ASAH1: variants seen among roughly 807,000 people sequenced by gnomAD.
The protein encoded by ASAH1 is N-acylsphingosine amidohydrolase 1.
A neutral mutation model predicts 59.5 loss-of-function variants in ASAH1; 70 were observed. That is an observed-to-expected ratio of 1.18 (90% CI 0.97 to 1.43). The LOEUF (loss-of-function observed/expected upper bound fraction) is 1.43, where lower values mean the gene tolerates loss of function less well. Among genes scored for constraint, ASAH1 ranks in the 40% most tolerant of loss-of-function variants. ASAH1 has a pLI of 0.00. For missense variants in ASAH1, 660 were observed against 482.5 expected (o/e 1.37, Z -3.45); for synonymous variants, 213 against 166.5 (o/e 1.28, Z -2.15).
rs139226692 is a variant in ASAH1 at position 18,071,211 on chromosome 8, C to CA, written c.216+88dup. On this transcript the variant is annotated intron_variant, in intron 3 of 13. Coordinates refer to ENST00000637790, the MANE Select transcript of ASAH1 (RefSeq NM_177924.5). ...GACAGAGTGAGACTCTGTCTCAAAA[C>CA]AAAAAAAAAATCAATCAATAAATAA... is the stretch of plus-strand genomic sequence containing the variant. 27,516 of 691,964 alleles carry CA rather than the reference C, an allele frequency of 0.04. 1,279 individuals are homozygous for CA. The highest frequency in any genetic ancestry group is 0.28 in the East Asian group (5,234 of 18,944). 42.9% of individuals were successfully genotyped at this position (691,964 alleles called of 1,614,324 possible). A position where few individuals can be genotyped will look rare whatever the true frequency, so the allele number is the denominator to read the frequency against.
At chr8:18,060,626 T>C (rs563983428) in intron 10 of ASAH1, 2 of 152,238 alleles carry the variant, frequency 1.3e-5, no homozygotes, top group African/African-American at 2.4e-5. Flanking sequence ...AAAAATAGGA[T>C]TGATGCCCAT....
chr8:18,075,841 T>C, intron 1 of ASAH1: 3 of 526,542 alleles, frequency 5.7e-6, no homozygotes, highest in South Asian at 4.2e-5. Flanking sequence ...ATTTCAAATA[T>C]ATTGAGTAAC....
chr8:18,078,897 C>T (rs1389879124), intron 1 of ASAH1, among the ~76,000 whole-genome samples: 1 of 146,008 alleles, frequency 6.8e-6, no homozygotes, highest in East Asian at 1.9e-4. Flanking sequence ...TCTCTCTCTC[C>T]CTGCCCTTCC....
chr8:18,065,283 G>C (rs1799883208), intron 5 of ASAH1: 2 of 151,794 alleles, frequency 1.3e-5, no homozygotes, highest in South Asian at 4.2e-4. Flanking sequence ...ATTTGGTATT[G>C]AGTTGCTAGA....
At position 18,077,607 on chromosome 8, in the gene ASAH1, TTTAA is replaced by T. The variant is rs1175085827; in HGVS notation, c.79-2024_79-2021del. ...CACTCAAAAATCACATGCTTTGTTC[TTTAA>T]TTGATATTGATGTTCTTCCCAAAGT... On this transcript the variant is annotated intron_variant, in intron 1 of 13. Coordinates refer to ENST00000637790, the MANE Select transcript of ASAH1 (RefSeq NM_177924.5). 3.9e-5 allele frequency among the ~76,000 whole-genome samples: 6 copies of T among 152,242 alleles called. 1 individual carries two copies. The highest frequency in any genetic ancestry group is 2.0e-4 in the Admixed American group (3 of 15,286).
At chr8:18,069,344 C>A in intron 4 of ASAH1, 1 of 162,800 alleles carries the variant, frequency 6.1e-6, no homozygotes, top group Non-Finnish European at 1.3e-5. Flanking sequence ...GGTGATTGCA[C>A]AGAAACACTC....
Position 18,057,316 on chromosome 8 carries a change from C to T in ASAH1, c.*218G>A. 1 of 372,044 alleles carries T rather than the reference C, an allele frequency of 2.7e-6. No individual in the cohort carries two copies. The highest frequency in any genetic ancestry group is 3.7e-5 in the Admixed American group (1 of 26,774). The allele number at this position is 372,044 out of a possible 1,614,324, so 23.0% of individuals were successfully genotyped here. ...TGAATTCTAGATGACTGTTTTACTT[C>T]CCCTAAAGAAGTTATCTGTAAATAA... On this transcript the variant is annotated 3_prime_UTR_variant, in exon 14 of 14. Coordinates refer to ENST00000637790, the MANE Select transcript of ASAH1 (RefSeq NM_177924.5).
intron 10 of ASAH1, 98 bp from the exon 11 acceptor site, chr8:18,059,801 T>A (rs769255357): frequency 7.9e-7 from 1 of 1,266,066 alleles, no homozygotes; most frequent in Non-Finnish European, 1.1e-6. Flanking sequence ...CTGGGACACA[T>A]GTGCTGAACG....
chr8:18,058,879 CAAATGAGATATTCT>C lies in ASAH1; in HGVS notation c.1042-2_1053del, dbSNP rs1564534954. 1 of 1,612,106 alleles carries C rather than the reference CAAATGAGATATTCT, an allele frequency of 6.2e-7. No individual in the cohort carries two copies. Among genetic ancestry groups the C allele is most frequent in the Admixed American group, 1.7e-5 (1 of 60,006 alleles). ...GTTGACAGGACATCATACATGGTTTCAAATGAGATATTCTAAAACACAAGAAAATAGTTTTGTTC... is the reference window on the plus strand; with the variant it reads ...GTTGACAGGACATCATACATGGTTTCAAAACACAAGAAAATAGTTTTGTTC... On this transcript the variant is annotated splice_acceptor_variant and coding_sequence_variant, in exon 13 of 14. Coordinates refer to ENST00000637790, the MANE Select transcript of ASAH1 (RefSeq NM_177924.5). LOFTEE classifies it high-confidence loss of function.
chr8:18,072,269 T>A (rs944807808), intron 2 of ASAH1, among the ~76,000 whole-genome samples: 3 of 152,202 alleles, frequency 2.0e-5, no homozygotes, highest in African/African-American at 7.2e-5. Flanking sequence ...ACTGGCAGGG[T>A]GACTCTGGTA....
chr8:18,069,755 G>T (rs1361874393), intron 4 of ASAH1, 37 bp downstream of exon 4: 1 of 1,428,460 alleles, frequency 7.0e-7, no homozygotes, highest in South Asian at 1.2e-5. Flanking sequence ...CATTTTCTAT[G>T]TGCTTAACAT....
intron 12 of ASAH1, chr8:18,059,112 G>A: frequency 1.4e-6 from 1 of 715,128 alleles, no homozygotes; most frequent in Middle Eastern, 2.5e-4. Flanking sequence ...TTGCCTGTTT[G>A]TTATTCAACT....
At chr8:18,079,274 G>GAAAAAAA in intron 1 of ASAH1, among the ~76,000 whole-genome samples, 1 of 116,888 alleles carries the variant, frequency 8.6e-6, no homozygotes, top group Admixed American at 9.2e-5. Context: ...CTCCATCTCA[G>GAAAAAAA]AAAAAAAAAA....
chr8:18,058,736 C>T (rs749770538), intron 13 of ASAH1, 99 bp downstream of exon 13: 4 of 1,095,868 alleles, frequency 3.7e-6, no homozygotes, highest in South Asian at 2.5e-5. Context: ...GCTGAACACA[C>T]CTTTTGTGCT....
intron 5 of ASAH1, chr8:18,065,465 AG>A (rs1799890623): frequency 6.6e-6 from 1 of 152,154 alleles, no homozygotes; most frequent in South Asian, 2.1e-4. Flanking sequence ...CATAAAATGA[AG>A]GTACTGTTGG....
At chr8:18,072,692 C>G (rs1800223769) in intron 2 of ASAH1, among the ~76,000 whole-genome samples, 1 of 152,128 alleles carries the variant, frequency 6.6e-6, no homozygotes, top group Admixed American at 6.5e-5. Flanking sequence ...TCTGACAGAC[C>G]ATAATTTCAC....
upstream of ASAH1, chr8:18,084,184 T>C (rs866543650): frequency 8.5e-6 from 13 of 1,537,538 alleles, no homozygotes; most frequent in Non-Finnish European, 1.1e-5. Context: ...TTCCAGGCAG[T>C]AGGGGGAACG....
chr8:18,058,688 C>T, intron 13 of ASAH1, 147 bp downstream of exon 13: 4 of 701,032 alleles, frequency 5.7e-6, no homozygotes, highest in Non-Finnish European at 9.9e-6. Flanking sequence ...ACAGTTTTAG[C>T]CACACAAAAA....
chr8:18,066,940 G>A (rs1422215950), intron 5 of ASAH1: 8 of 382,502 alleles, frequency 2.1e-5, no homozygotes, highest in East Asian at 7.5e-5. Flanking sequence ...CTAATCTATA[G>A]TGACATCAGA....
Sources: gnomAD v4.1 joint callset for allele counts (sites outside exome capture counted in the v4.1 genomes callset) on GRCh38, gnomAD v4.1.1 for gene constraint, MANE v1.5 for transcripts, NCBI Gene and HGNC (gene_info 2026-07-23, HGNC 2026-07-21) for gene names.